Variants in L3MBTL3 observed in about 807,000 individuals in gnomAD.
The protein encoded by L3MBTL3 is L3MBTL histone methyl-lysine binding protein 3, also known as lethal(3)malignant brain tumor-like protein 3.
A neutral mutation model predicts 102.3 loss-of-function variants in L3MBTL3; 27 were observed. The ratio of observed to expected loss-of-function variants is 0.26; its 90% CI spans 0.19 to 0.36. L3MBTL3 has a LOEUF of 0.36. Among genes scored for constraint, L3MBTL3 ranks in the 10% least tolerant of loss-of-function variants. L3MBTL3 has a pLI of 1.00. For synonymous variants in L3MBTL3, 340 were observed against 320.9 expected (o/e 1.06, Z -0.64); for missense variants, 798 against 955.3 (o/e 0.84, Z 2.17).
intron 20 of L3MBTL3, among the ~76,000 whole-genome samples, chr6:130,124,232 C>G (rs1292345780): frequency 6.6e-6 from 1 of 152,138 alleles, no homozygotes; most frequent in Admixed American, 6.5e-5. Flanking sequence ...CTCCCTTTGG[C>G]TTTGGACAGT....
Position 130,043,555 on chromosome 6 carries a change from A to G in L3MBTL3, c.102+754A>G, listed in dbSNP as rs138907288. On this transcript the variant is annotated intron_variant, in intron 3 of 22. Coordinates refer to ENST00000361794, the MANE Select transcript of L3MBTL3 (RefSeq NM_032438.4). ...CTTTTGCTCTGATCCTATCTCTGGA[A>G]CCTTGAACCGGTCTGTGGCCCTTTA... Among the ~76,000 whole-genome samples, 113 of 152,262 alleles carry G rather than the reference A, an allele frequency of 7.4e-4. 3 individuals are homozygous for G. In the East Asian group the frequency reaches 0.018, roughly 25 times the overall value.
intron 19 of L3MBTL3, among the ~76,000 whole-genome samples, chr6:130,117,974 G>A (rs1017171276): frequency 6.9e-6 from 1 of 144,838 alleles, no homozygotes; most frequent in Non-Finnish European, 1.5e-5. Flanking sequence ...GTCTCCCAAA[G>A]TGTTGTTATT....
intron 20 of L3MBTL3, among the ~76,000 whole-genome samples, chr6:130,123,468 A>C (rs1262788371): frequency 1.3e-5 from 2 of 152,046 alleles, no homozygotes; most frequent in African/African-American, 4.8e-5. Flanking sequence ...TTGTTTTGAG[A>C]ATTATTGCAC....
rs142538844 is a variant in L3MBTL3 at position 130,135,987 on chromosome 6, G to T, written c.2199+2082G>T. Among the ~76,000 whole-genome samples, 738 of 152,278 alleles carry T rather than the reference G, an allele frequency of 4.8e-3. 2 individuals carry two copies. In the Middle Eastern group the frequency reaches 0.051, roughly 11 times the overall value. On this transcript the variant is annotated intron_variant, in intron 22 of 22. Transcript: ENST00000361794. ...AGGACAAGTATTCAGATAGGCTGTT[G>T]TTGGAAATTATCCTTGACTTCTCTC...
At position 130,104,527 on chromosome 6, in the gene L3MBTL3, G is replaced by A. The variant is rs1415456817; in HGVS notation, c.1838G>A (p.Arg613Lys). Residue 613 changes from arginine to lysine, a missense_variant, in exon 19 of 23, where the codon AGA becomes AAA. Arg to Lys is a conservative substitution (Grantham distance 26). This residue lies in a region of L3MBTL3 where 306 missense variants were observed against 314.4 expected (regional missense o/e 0.97). Transcript: ENST00000361794. The stretch of plus-strand genomic sequence containing the variant: ...CCTCCGGCTAGTCCGTCATTTCCAA[G>A]AAATAAAAGGACAGATGCAAATGAA... ...EMPPASPSFPRNKRTDANESS... is the reference protein window; with the variant it reads ...EMPPASPSFPKNKRTDANESS... The A allele has an allele frequency of 1.3e-6, 2 of 1,592,330 alleles. No homozygotes were observed. The highest frequency in any genetic ancestry group is 1.7e-6 in the Non-Finnish European group (2 of 1,171,048).
intron 2 of L3MBTL3, 60 bp from the exon 3 acceptor site, chr6:130,042,625 A>C (rs1310076644): frequency 1.0e-6 from 1 of 1,004,780 alleles, no homozygotes. Flanking sequence ...AACGAGTACT[A>C]AATTAAAAAC....
intron 20 of L3MBTL3, among the ~76,000 whole-genome samples, chr6:130,131,068 A>G (rs894525061): frequency 6.6e-6 from 1 of 152,244 alleles, no homozygotes; most frequent in African/African-American, 2.4e-5. Context: ...ATGACAAAAT[A>G]TTAATGAGAG....
At chr6:130,119,393 A>C (rs914015049) in intron 19 of L3MBTL3, among the ~76,000 whole-genome samples, 6 of 152,224 alleles carry the variant, frequency 3.9e-5, no homozygotes, top group African/African-American at 1.4e-4. Context: ...TTGGAAGTTC[A>C]TAGAAGTTAA....
intron 10 of L3MBTL3, among the ~76,000 whole-genome samples, chr6:130,063,952 A>C (rs1265282527): frequency 6.6e-6 from 1 of 152,198 alleles, no homozygotes; most frequent in Non-Finnish European, 1.5e-5. Flanking sequence ...GTGACTCAAA[A>C]GTGTTGTCAG....
intron 9 of L3MBTL3, among the ~76,000 whole-genome samples, chr6:130,058,895 T>C (rs938767927): frequency 6.6e-6 from 1 of 152,212 alleles, no homozygotes; most frequent in Non-Finnish European, 1.5e-5. Flanking sequence ...GATATATTTT[T>C]ATGTAGGTGT....
At position 130,060,193 on chromosome 6, in the gene L3MBTL3, T is replaced by A. The variant is rs896058857; in HGVS notation, c.864+53T>A. ...AAAATAAAATGGTGATTATGGGGATTTAAAATGAGGAAAAACTGCCATTGG... is the reference window on the plus strand; with the variant it reads ...AAAATAAAATGGTGATTATGGGGATATAAAATGAGGAAAAACTGCCATTGG... On this transcript the variant is annotated intron_variant, in intron 10 of 22. Coordinates refer to ENST00000361794, the MANE Select transcript of L3MBTL3 (RefSeq NM_032438.4). The A allele has an allele frequency of 3.5e-5, 39 of 1,125,060 alleles. No homozygotes were observed. The African/African-American group carries it at 5.7e-4, about 16-fold the overall frequency. The allele number at this position is 1,125,060 out of a possible 1,614,324, so 69.7% of individuals were successfully genotyped here.
intron 8 of L3MBTL3, among the ~76,000 whole-genome samples, chr6:130,056,080 A>C (rs1339089192): frequency 2.0e-5 from 3 of 151,954 alleles, no homozygotes; most frequent in Non-Finnish European, 4.4e-5. Flanking sequence ...GGTGTGCACC[A>C]CCAAGCCTGG....
chr6:130,068,302 T>G, intron 11 of L3MBTL3, 28 bp from the exon 12 acceptor site: 3 of 1,212,204 alleles, frequency 2.5e-6, no homozygotes, highest in Non-Finnish European at 3.6e-6. Flanking sequence ...GGTATTTGAA[T>G]CAATCTGTTC....
rs1048646662 is a variant in L3MBTL3, at chr6:130,133,282, A to T, written c.1967-170A>T. 3.5e-4 allele frequency: 207 copies of T among 596,202 alleles called. No homozygotes were observed. Among genetic ancestry groups the T allele is most frequent in the African/African-American group, 3.4e-3 (184 of 54,166 alleles). The allele number at this position is 596,202 out of a possible 1,614,324, so 36.9% of individuals were successfully genotyped here. Reference sequence around the variant, plus strand: ...CAGTTGAATTTACAGGTTGTTTTTTATAGTGACCTTCAGTAAAGACAAAGA... The same window carrying T: ...CAGTTGAATTTACAGGTTGTTTTTTTTAGTGACCTTCAGTAAAGACAAAGA... On this transcript the variant is annotated intron_variant, in intron 20 of 22. Coordinates refer to ENST00000361794, the MANE Select transcript of L3MBTL3 (RefSeq NM_032438.4). This position sits in a 1 kb window ranked among gnomAD's most constrained non-coding sequence, Gnocchi z 4.9.
At chr6:130,093,060 GCGTGTATAGA>G (rs1294006430) in intron 17 of L3MBTL3, among the ~76,000 whole-genome samples, 1 of 152,132 alleles carries the variant, frequency 6.6e-6, no homozygotes, top group Non-Finnish European at 1.5e-5. Context: ...AAAAAGTAAA[GCGTGTATAGA>G]CATTCTGTTT....
Position 130,141,074 on chromosome 6 carries a change from G to T in L3MBTL3, c.*1321G>T, listed in dbSNP as rs191909351. ...AGGTAAATTATTTTGTCCGTCTTTT[G>T]ATGTACTTTCTGATTCCAGGATTGG... On this transcript the variant is annotated 3_prime_UTR_variant, in exon 23 of 23. Coordinates refer to ENST00000361794, the MANE Select transcript of L3MBTL3 (RefSeq NM_032438.4). 1 of 152,408 alleles carries T rather than the reference G, an allele frequency of 6.6e-6. No individual in the cohort carries two copies. The highest frequency in any genetic ancestry group is 2.4e-5 in the African/African-American group (1 of 41,446). The allele number at this position is 152,408 out of a possible 1,614,324, so 9.4% of individuals were successfully genotyped here.
chr6:130,086,337 T>TA, intron 16 of L3MBTL3, 87 bp downstream of exon 16: 1 of 819,754 alleles, frequency 1.2e-6, no homozygotes. Flanking sequence ...ACTTGTGAAG[T>TA]CCTGTAATTA....
intron 2 of L3MBTL3, among the ~76,000 whole-genome samples, chr6:130,030,187 C>T (rs1779620796): frequency 6.7e-6 from 1 of 150,154 alleles, no homozygotes; most frequent in Non-Finnish European, 1.5e-5. Context: ...ATAACTGTAA[C>T]TTTTACATAC....
At chr6:130,039,456 C>T (rs1458760655) in intron 2 of L3MBTL3, among the ~76,000 whole-genome samples, 1 of 152,004 alleles carries the variant, frequency 6.6e-6, no homozygotes, top group African/African-American at 2.4e-5. Flanking sequence ...TGATATGTTT[C>T]TTAAATCCCT....
Sources: gnomAD v4.1 joint callset for allele counts (sites outside exome capture counted in the v4.1 genomes callset) on GRCh38, gnomAD v4.1.1 for gene constraint, gnomAD v4.1.1 regional missense constraint, Gnocchi (gnomAD v3.1) non-coding constraint, MANE v1.5 for transcripts, NCBI Gene and HGNC (gene_info 2026-07-23, HGNC 2026-07-21) for gene names.